Variants in ADAM22 observed in about 807,000 individuals in gnomAD.
The protein encoded by ADAM22 is disintegrin and metalloproteinase domain-containing protein 22.
A neutral mutation model predicts 144.6 loss-of-function variants in ADAM22; 65 were observed. The ratio of observed to expected loss-of-function variants is 0.45; its 90% CI spans 0.37 to 0.55. The LOEUF is 0.55. ADAM22 is among the 20% of genes least tolerant of loss of function. The pLI is 0.00. For missense variants in ADAM22, 974 were observed against 1,184.9 expected (o/e 0.82, Z 2.61); for synonymous variants, 391 against 412.6 (o/e 0.95, Z 0.63).
intron 7 of ADAM22, among the ~76,000 whole-genome samples, chr7:88,121,990 TCA>T (rs1829420139): frequency 6.6e-6 from 1 of 152,198 alleles, no homozygotes; most frequent in South Asian, 2.1e-4. Context: ...ACTTATTATC[TCA>T]CAGTTTCTGT....
intron 2 of ADAM22, among the ~76,000 whole-genome samples, chr7:87,969,675 G>T (rs1422533198): frequency 6.6e-6 from 1 of 152,140 alleles, no homozygotes; most frequent in South Asian, 2.1e-4. Flanking sequence ...TTATTCCACT[G>T]GTAAATGGAA....
intron 26 of ADAM22, among the ~76,000 whole-genome samples, chr7:88,178,159 A>T (rs1322322096): frequency 6.6e-6 from 1 of 152,184 alleles, no homozygotes; most frequent in Non-Finnish European, 1.5e-5. Context: ...ATAACAGTGC[A>T]GATTAAATAC....
intron 3 of ADAM22, among the ~76,000 whole-genome samples, chr7:88,073,856 A>C (rs142568234): frequency 6.6e-5 from 10 of 152,340 alleles, no homozygotes; most frequent in African/African-American, 9.6e-5. Flanking sequence ...AGATACTGGG[A>C]CAAGTATGCC....
At chr7:88,178,803 A>G (rs1472973984) in intron 26 of ADAM22, 132 bp from the exon 27 acceptor site, 5 of 457,250 alleles carry the variant, frequency 1.1e-5, no homozygotes, top group Non-Finnish European at 1.9e-5. Flanking sequence ...TGATAATTTT[A>G]TGTGTTGTGA....
chr7:88,028,315 T>C (rs1799482051), intron 3 of ADAM22, among the ~76,000 whole-genome samples: 1 of 152,228 alleles, frequency 6.6e-6, no homozygotes, highest in Non-Finnish European at 1.5e-5. Flanking sequence ...TATTGATTTC[T>C]AGTTTGATTT....
rs1851223532 is a variant in ADAM22 at position 88,201,808 on chromosome 7, G to C, written c.*5317G>C. 1 of 152,128 alleles carries C rather than the reference G, an allele frequency of 6.6e-6. No individual in the cohort carries two copies. Among genetic ancestry groups the C allele is most frequent in the Non-Finnish European group, 1.5e-5 (1 of 68,026 alleles). The allele number at this position is 152,128 out of a possible 1,614,324, so 9.4% of individuals were successfully genotyped here. On this transcript the variant is annotated 3_prime_UTR_variant, in exon 32 of 32. Coordinates refer to ENST00000413139, the MANE Select transcript of ADAM22 (RefSeq NM_001324418.2). Reference sequence around the variant, plus strand: ...GAATTCTTAAGATAATGCACATACAGAATCATCAATAAAGTTTCAAAGAGT... The same window carrying C: ...GAATTCTTAAGATAATGCACATACACAATCATCAATAAAGTTTCAAAGAGT...
intron 3 of ADAM22, among the ~76,000 whole-genome samples, chr7:88,045,888 T>TTATGTGTGTGTGTGTG: frequency 7.5e-6 from 1 of 133,926 alleles, no homozygotes; most frequent in Admixed American, 7.7e-5. Context: ...TCGTATTCTA[T>TTATGTGTGTGTGTGTG]TGTGTGTGTG....
At chr7:88,031,976 C>T (rs1157958006) in intron 3 of ADAM22, among the ~76,000 whole-genome samples, 1 of 152,222 alleles carries the variant, frequency 6.6e-6, no homozygotes, top group Non-Finnish European at 1.5e-5. Context: ...GCTTGGGTGC[C>T]TCTGCCTAGA....
Position 88,002,355 on chromosome 7 carries a change from A to G in ADAM22, c.323+23943A>G, listed in dbSNP as rs1012670898. ...TGAATCACAGGCCCATTCCTGTGGC[A>G]TCCTAACCAGGAAATATGGCATGGC... On this transcript the variant is annotated intron_variant, in intron 3 of 31. Transcript: ENST00000413139. Among the ~76,000 whole-genome samples the G allele has an allele frequency of 2.6e-5, 4 of 152,152 alleles. No individual in the cohort carries two copies. In the South Asian group the frequency reaches 8.3e-4, roughly 31 times the overall value.
intron 2 of ADAM22, among the ~76,000 whole-genome samples, chr7:87,951,253 T>C (rs902639389): frequency 1.4e-5 from 2 of 142,388 alleles, no homozygotes; most frequent in Non-Finnish European, 3.0e-5. Flanking sequence ...GGTTTTCTTC[T>C]AGGGTTTTTA....
chr7:87,979,134 G>T (rs1216315540), intron 3 of ADAM22, among the ~76,000 whole-genome samples: 1 of 152,152 alleles, frequency 6.6e-6, no homozygotes, highest in Non-Finnish European at 1.5e-5. Flanking sequence ...GGGCAGAATT[G>T]GGCTATAGTT....
At chr7:88,150,536 A>C (rs1317194727) in intron 18 of ADAM22, among the ~76,000 whole-genome samples, 1 of 152,180 alleles carries the variant, frequency 6.6e-6, no homozygotes, top group Non-Finnish European at 1.5e-5. Flanking sequence ...TGGCAAAAGA[A>C]AGGAAACTAG....
chr7:88,010,482 C>T (rs1305916679), intron 3 of ADAM22, among the ~76,000 whole-genome samples: 1 of 151,940 alleles, frequency 6.6e-6, no homozygotes, highest in Non-Finnish European at 1.5e-5. Context: ...CTTTCTTTTC[C>T]CATCTCTCTT....
intron 3 of ADAM22, among the ~76,000 whole-genome samples, chr7:88,004,708 A>G (rs183498665): frequency 1.3e-5 from 2 of 152,294 alleles, no homozygotes; most frequent in Admixed American, 6.5e-5. Context: ...AATTTTGTGG[A>G]TTTTAGTCAA....
chr7:87,948,177 C>A (rs1844180464), intron 2 of ADAM22, among the ~76,000 whole-genome samples: 1 of 152,016 alleles, frequency 6.6e-6, no homozygotes, highest in African/African-American at 2.4e-5. Context: ...TGTATTTCCC[C>A]CCACTCTATT....
At chr7:88,017,192 C>T (rs1796722867) in intron 3 of ADAM22, among the ~76,000 whole-genome samples, 2 of 152,034 alleles carry the variant, frequency 1.3e-5, no homozygotes, top group South Asian at 4.2e-4. Context: ...GGAATAAGTT[C>T]TAGTGCTTTA....
At chr7:88,046,558 T>C (rs1326335776) in intron 3 of ADAM22, among the ~76,000 whole-genome samples, 1 of 152,220 alleles carries the variant, frequency 6.6e-6, no homozygotes, top group African/African-American at 2.4e-5. Context: ...GTGCAGAAGC[T>C]TTGTAGTTTG....
chr7:88,039,464 A>AAAAAAAAAAAT, intron 3 of ADAM22, among the ~76,000 whole-genome samples: 8 of 76,404 alleles, frequency 1.0e-4, no homozygotes, highest in African/African-American at 3.8e-4. Context: ...AAAAAAAAAA[A>AAAAAAAAAAAT]ATATATATAT....
rs546982556 is a variant in ADAM22, at chr7:88,075,551, G to A, written c.324-75G>A. The stretch of plus-strand genomic sequence containing the variant: ...TAAAGAATTGTTAAAGCAGATATGT[G>A]TAAACTAGATCCTGATTTTCGTGTT... On this transcript the variant is annotated intron_variant, in intron 3 of 31. Transcript: ENST00000413139. The A allele has an allele frequency of 1.1e-5, 14 of 1,313,286 alleles. No individual in the cohort carries two copies. The South Asian group carries it at 1.7e-4, about 16-fold the overall frequency. 81.4% of individuals were successfully genotyped at this position (1,313,286 alleles called of 1,614,324 possible). A position where few individuals can be genotyped will look rare whatever the true frequency, so the allele number is the denominator to read the frequency against.
Sources: gnomAD v4.1 joint callset for allele counts (sites outside exome capture counted in the v4.1 genomes callset) on GRCh38, gnomAD v4.1.1 for gene constraint, MANE v1.5 for transcripts, NCBI Gene and HGNC (gene_info 2026-07-23, HGNC 2026-07-21) for gene names.